The following RBM47 variants were observed in gnomAD, a reference collection of about 807,000 sequenced individuals.
RBM47 encodes RNA binding motif protein 47.
RBM47 carries 21 observed loss-of-function variants against 47.1 expected under a neutral mutation model. The observed-to-expected ratio is 0.45, with a 90% CI of 0.32 to 0.64. RBM47 has a LOEUF of 0.64. Among genes scored for constraint, RBM47 ranks in the 30% least tolerant of loss-of-function variants. RBM47 has a pLI of 0.05. For missense variants in RBM47, 708 were observed against 870.9 expected (o/e 0.81, Z 2.35); for synonymous variants, 375 against 361.7 (o/e 1.04, Z -0.42).
At chr4:40,449,373 C>T (rs1268540237) in intron 3 of RBM47, among the ~76,000 whole-genome samples, 1 of 152,192 alleles carries the variant, frequency 6.6e-6, no homozygotes, top group African/African-American at 2.4e-5. Flanking sequence ...ACCCCTCGCT[C>T]ATCTGAGAAA....
At chr4:40,521,612 T>C (rs1726198887) in intron 2 of RBM47, among the ~76,000 whole-genome samples, 1 of 152,222 alleles carries the variant, frequency 6.6e-6, no homozygotes, top group African/African-American at 2.4e-5. Context: ...GATTGCTGTC[T>C]CAAGGAAAAA....
chr4:40,593,197 A>G (rs1213977441), intron 1 of RBM47, among the ~76,000 whole-genome samples: 1 of 147,856 alleles, frequency 6.8e-6, no homozygotes, highest in African/African-American at 2.5e-5. Context: ...ACGGGGTTTC[A>G]CCGTGTTAGC....
chr4:40,521,410 A>G (rs2154256235), intron 2 of RBM47, among the ~76,000 whole-genome samples: 1 of 152,300 alleles, frequency 6.6e-6, no homozygotes, highest in Non-Finnish European at 1.5e-5. Flanking sequence ...CATGTTGGCC[A>G]GGCTGGTCTT....
intron 2 of RBM47, among the ~76,000 whole-genome samples, chr4:40,539,461 C>A (rs893455796): frequency 6.6e-6 from 1 of 152,042 alleles, no homozygotes; most frequent in Non-Finnish European, 1.5e-5. Context: ...ATCTTCTAAG[C>A]CAGGCACGGT....
At position 40,616,874 on chromosome 4, in the gene RBM47, CTTTTTTTT is replaced by C. The variant is rs1300005872; in HGVS notation, c.-240+12514_-240+12521del. Among the ~76,000 whole-genome samples, 13 of 111,664 alleles carry C rather than the reference CTTTTTTTT, an allele frequency of 1.2e-4. No homozygotes were observed. The South Asian group carries it at 2.4e-3, about 21-fold the overall frequency. The allele number at this position is 111,664 out of a possible 152,430, so 73.3% of individuals were successfully genotyped here. ...ACTGTTTCATCTTATATTTTCTTTT[CTTTTTTTT>C]TTTTTTTTTTTGAGACAGAGTCTTG... On this transcript the variant is annotated intron_variant, in intron 1 of 6. Transcript: ENST00000295971.
chr4:40,489,738 T>C (rs1721598193), intron 2 of RBM47, among the ~76,000 whole-genome samples: 1 of 152,212 alleles, frequency 6.6e-6, no homozygotes, highest in African/African-American at 2.4e-5. Context: ...TTCTATCAAA[T>C]GTTTTAAAGT....
rs55805915 is a variant in RBM47 at position 40,466,265 on chromosome 4, CAA to C, written c.-32+310_-32+311del. On this transcript the variant is annotated intron_variant, in intron 3 of 6. Coordinates refer to ENST00000295971, the MANE Select transcript of RBM47 (RefSeq NM_001098634.2). Reference sequence around the variant, plus strand: ...CCTGGGTAACAGAGTGAGACTGTCTCAAAAAAAAAAAAAAAAAAAAGAAAGAA... The same window carrying C: ...CCTGGGTAACAGAGTGAGACTGTCTCAAAAAAAAAAAAAAAAAAGAAAGAA... 5.9e-3 allele frequency among the ~76,000 whole-genome samples: 541 copies of C among 91,648 alleles called. 1 individual carries two copies. The highest frequency in any genetic ancestry group is 8.7e-3 in the Non-Finnish European group (399 of 45,858). 60.1% of individuals were successfully genotyped at this position (91,648 alleles called of 152,430 possible).
chr4:40,509,566 G>A (rs1724586592), intron 2 of RBM47, among the ~76,000 whole-genome samples: 1 of 152,146 alleles, frequency 6.6e-6, no homozygotes, highest in Admixed American at 6.5e-5. Flanking sequence ...GTGAGACCCT[G>A]TCTCTATAAA....
intron 1 of RBM47, among the ~76,000 whole-genome samples, chr4:40,626,787 T>A (rs185318851): frequency 1.2e-4 from 19 of 152,222 alleles, no homozygotes; most frequent in Non-Finnish European, 2.2e-4. Context: ...TCAGACGACC[T>A]CAGGAGTTTT....
chr4:40,426,821 G>T (rs979813686), intron 6 of RBM47: 1 of 152,146 alleles, frequency 6.6e-6, no homozygotes, highest in Non-Finnish European at 1.5e-5. Context: ...CAGAAACTGC[G>T]GATAAGGAGG....
intron 1 of RBM47, among the ~76,000 whole-genome samples, chr4:40,583,022 G>T (rs1733104420): frequency 6.6e-6 from 1 of 152,198 alleles, no homozygotes; most frequent in Non-Finnish European, 1.5e-5. Flanking sequence ...CAAACTAGTA[G>T]AGTAAGTGGA....
chr4:40,477,742 C>T (rs900087163), intron 2 of RBM47, among the ~76,000 whole-genome samples: 5 of 151,996 alleles, frequency 3.3e-5, no homozygotes, highest in Admixed American at 6.6e-5. Flanking sequence ...TCACTGAATA[C>T]CTGAAAACAA....
At chr4:40,442,921 G>C (rs1212703649) in intron 3 of RBM47, among the ~76,000 whole-genome samples, 1 of 152,080 alleles carries the variant, frequency 6.6e-6, no homozygotes, top group Non-Finnish European at 1.5e-5. Flanking sequence ...TGCTCTGCCC[G>C]CCTCGGTCTC....
chr4:40,506,427 A>G (rs550220509), intron 2 of RBM47, among the ~76,000 whole-genome samples: 2 of 152,350 alleles, frequency 1.3e-5, no homozygotes, highest in East Asian at 3.9e-4. Context: ...GATGTGCCAG[A>G]TACTTTAATA....
chr4:40,617,436 G>A (rs1041629289), intron 1 of RBM47, among the ~76,000 whole-genome samples: 1 of 151,968 alleles, frequency 6.6e-6, no homozygotes, highest in Non-Finnish European at 1.5e-5. Context: ...GTGCGTGCCT[G>A]TAGTCTCAGC....
At chr4:40,586,081 TC>T (rs1186196674) in intron 1 of RBM47, among the ~76,000 whole-genome samples, 1 of 152,158 alleles carries the variant, frequency 6.6e-6, no homozygotes, top group African/African-American at 2.4e-5. Context: ...GGGGCAGAAA[TC>T]CATAAGAGGG....
intron 1 of RBM47, among the ~76,000 whole-genome samples, chr4:40,590,404 C>A (rs1033102453): frequency 7.9e-5 from 12 of 151,180 alleles, no homozygotes; most frequent in African/African-American, 2.2e-4. Flanking sequence ...AAAAAAAAAA[C>A]AAAAAAACCC....
rs550475886 is a variant in RBM47, at chr4:40,559,318, T to A, written c.-239-14812A>T. 4.1e-4 allele frequency among the ~76,000 whole-genome samples: 63 copies of A among 152,322 alleles called. 1 individual carries two copies. The highest frequency in any genetic ancestry group is 1.5e-3 in the African/African-American group (61 of 41,566). ...AAATCAGGCTGTGTTTCTCAAACAA[T>A]TACAGGTGACAAACACAGAATACGA... On this transcript the variant is annotated intron_variant, in intron 1 of 6. Coordinates refer to ENST00000295971, the MANE Select transcript of RBM47 (RefSeq NM_001098634.2).
chr4:40,561,348 C>T (rs1365232232), intron 1 of RBM47, among the ~76,000 whole-genome samples: 1 of 150,604 alleles, frequency 6.6e-6, no homozygotes, highest in East Asian at 2.0e-4. Flanking sequence ...TCTCCGGCCT[C>T]AGCATCATAA....
Sources: gnomAD v4.1 joint callset for allele counts (sites outside exome capture counted in the v4.1 genomes callset) on GRCh38, gnomAD v4.1.1 for gene constraint, MANE v1.5 for transcripts, NCBI Gene and HGNC (gene_info 2026-07-23, HGNC 2026-07-21) for gene names.